Variants in PARN observed in about 807,000 individuals in gnomAD.
The protein encoded by PARN is poly(A)-specific ribonuclease PARN.
Under a neutral mutation model 102.8 loss-of-function variants are expected in PARN, and 71 were observed. The observed-to-expected ratio is 0.69, with a 90% CI of 0.57 to 0.84. The LOEUF is 0.84. Ranked by LOEUF, PARN falls within the 40% of genes least tolerant of loss-of-function variation. PARN has a pLI of 0.00. For synonymous variants in PARN, 261 were observed against 252.9 expected, an observed-to-expected ratio of 1.03 and a Z score of -0.30; for missense variants, 782 against 760.9, an observed-to-expected ratio of 1.03 and a Z score of -0.33.
intron 6 of PARN, among the ~76,000 whole-genome samples, chr16:14,613,321 A>C (rs568240889): frequency 1.8e-4 from 27 of 150,996 alleles, no homozygotes; most frequent in South Asian, 4.2e-4. Context: ...AAAAAAAAAA[A>C]AAAACAAAAC....
Position 14,446,990 on chromosome 16 carries a change from C to A in PARN, c.1762G>T (p.Asp588Tyr), listed in dbSNP as rs750247455. The A allele has an allele frequency of 6.2e-7, 1 of 1,613,514 alleles. No individual in the cohort carries two copies. Among genetic ancestry groups the A allele is most frequent in the Non-Finnish European group, 8.5e-7 (1 of 1,179,580 alleles). Residue 588 changes from aspartate (D) to tyrosine (Y), a missense_variant, in exon 23 of 24, where the codon GAC (aspartate) becomes TAC (tyrosine). Coordinates refer to ENST00000437198, the MANE Select transcript of PARN (RefSeq NM_002582.4). ...GAATCGGTCTGCTCAAGCTCAGTGT[C>A]GGAAATCTCCCCTGACACTCCGTCC... ...LEDGVSGEIS[D>Y]TELEQTDSCA...
chr16:14,608,224 T>A, intron 9 of PARN, 57 bp downstream of exon 9: 1 of 1,209,152 alleles, frequency 8.3e-7, no homozygotes, highest in Non-Finnish European at 1.2e-6. Flanking sequence ...GAGATTATAT[T>A]TAGTCTTTAA....
chr16:14,608,210 C>T (rs1277164387), intron 9 of PARN, 71 bp downstream of exon 9: 1 of 1,102,744 alleles, frequency 9.1e-7, no homozygotes, highest in Non-Finnish European at 1.3e-6. Flanking sequence ...GAAATGAGAA[C>T]TAAGAGATTA....
chr16:14,520,785 A>G (rs531211031), intron 21 of PARN, among the ~76,000 whole-genome samples: 1 of 152,232 alleles, frequency 6.6e-6, no homozygotes, highest in Non-Finnish European at 1.5e-5. Context: ...TTCAAAATAA[A>G]AAGTGAGAGA....
intron 13 of PARN, among the ~76,000 whole-genome samples, chr16:14,592,972 C>A (rs1355333278): frequency 6.6e-6 from 1 of 152,052 alleles, no homozygotes; most frequent in African/African-American, 2.4e-5. Flanking sequence ...CCCATCTCTA[C>A]TAAAAATACA....
chr16:14,491,334 T>C (rs1178705092), intron 21 of PARN, among the ~76,000 whole-genome samples: 2 of 151,826 alleles, frequency 1.3e-5, no homozygotes, highest in East Asian at 3.9e-4. Flanking sequence ...CAATTCTGTT[T>C]TCCCACATTT....
intron 21 of PARN, among the ~76,000 whole-genome samples, chr16:14,546,938 C>T (rs180982195): frequency 2.0e-5 from 3 of 151,854 alleles, no homozygotes. Context: ...ACTAAAAATA[C>T]AAAAATTAGC....
chr16:14,477,769 C>T (rs1963149819), intron 22 of PARN, among the ~76,000 whole-genome samples: 3 of 150,784 alleles, frequency 2.0e-5, no homozygotes, highest in Non-Finnish European at 4.4e-5. Context: ...CACAGCGAGA[C>T]TCCGTCGGAA....
intron 21 of PARN, among the ~76,000 whole-genome samples, chr16:14,493,247 G>A (rs1964147685): frequency 1.3e-5 from 2 of 151,960 alleles, no homozygotes; most frequent in African/African-American, 4.8e-5. Context: ...AGGGTCTCTC[G>A]CTCTGTTCCC....
intron 11 of PARN, among the ~76,000 whole-genome samples, chr16:14,602,794 G>C (rs1156402097): frequency 6.6e-6 from 1 of 152,142 alleles, no homozygotes; most frequent in Non-Finnish European, 1.5e-5. Flanking sequence ...TGGGTTCTGA[G>C]GAGGTGTGGG....
At chr16:14,543,601 A>G (rs1596624657) in intron 21 of PARN, among the ~76,000 whole-genome samples, 1 of 152,236 alleles carries the variant, frequency 6.6e-6, no homozygotes, top group East Asian at 1.9e-4. Context: ...GTGAAATGGT[A>G]TAATATGAAC....
intron 7 of PARN, among the ~76,000 whole-genome samples, chr16:14,610,414 A>T (rs940902917): frequency 1.3e-5 from 2 of 151,608 alleles, no homozygotes; most frequent in African/African-American, 4.8e-5. Flanking sequence ...CAGAGGTTGC[A>T]GTAAGCCAGG....
chr16:14,581,190 T>C (rs1274382497), intron 17 of PARN, among the ~76,000 whole-genome samples: 1 of 152,150 alleles, frequency 6.6e-6, no homozygotes. Context: ...GGACCAGGGA[T>C]TACAGACATG....
chr16:14,532,960 G>A (rs1473456949), intron 21 of PARN, among the ~76,000 whole-genome samples: 1 of 152,102 alleles, frequency 6.6e-6, no homozygotes, highest in Non-Finnish European at 1.5e-5. Flanking sequence ...CGTCCCAGAC[G>A]ATGGGCGGCC....
chr16:14,533,967 A>T (rs1393274450), intron 21 of PARN, among the ~76,000 whole-genome samples: 2 of 152,228 alleles, frequency 1.3e-5, no homozygotes, highest in Admixed American at 6.5e-5. Flanking sequence ...CACGCCTGTA[A>T]TCCCAGCACT....
intron 12 of PARN, among the ~76,000 whole-genome samples, chr16:14,594,621 C>A (rs1824054779): frequency 6.6e-6 from 1 of 152,064 alleles, no homozygotes; most frequent in Admixed American, 6.6e-5. Context: ...GAGGCTGAGG[C>A]AAAAGAATGG....
intron 21 of PARN, among the ~76,000 whole-genome samples, chr16:14,498,732 C>A (rs1408248083): frequency 6.6e-6 from 1 of 152,204 alleles, no homozygotes; most frequent in Non-Finnish European, 1.5e-5. Flanking sequence ...TCTCTCCAGA[C>A]TATGGGTTGC....
Position 14,436,477 on chromosome 16 carries a change from C to T in PARN, c.*240G>A. 1.8e-6 allele frequency: 1 copy of T among 569,822 alleles called. No homozygotes were observed. The highest frequency in any genetic ancestry group is 3.1e-6 in the Non-Finnish European group (1 of 320,836). 35.3% of individuals were successfully genotyped at this position (569,822 alleles called of 1,614,324 possible). ...ACGGAATTCACTGGTTAAGCACGTA[C>T]ACATTCATGACAGCCTACAACCGTG... is the stretch of plus-strand genomic sequence containing the variant. On this transcript the variant is annotated 3_prime_UTR_variant, in exon 24 of 24. Coordinates refer to ENST00000437198, the MANE Select transcript of PARN (RefSeq NM_002582.4).
chr16:14,610,749 C>G lies in PARN; in HGVS notation c.449G>C (p.Arg150Pro), dbSNP rs755153974. The G allele has an allele frequency of 6.2e-7, 1 of 1,609,484 alleles. No homozygotes were observed. The highest frequency in any genetic ancestry group is 1.1e-5 in the South Asian group (1 of 90,968). ...AGCTCCTGCACCATTCGCCTGTGAA[C>G]GTTTTTCATCATACTGCTCTCTTAA... is the stretch of plus-strand genomic sequence containing the variant. ...RQLREQYDEK[R>P]SQANGAGALS... is the part of the protein sequence containing the mutation. Residue 150 changes from arginine to proline, a missense_variant, in exon 7 of 24, where the codon CGT (arginine) becomes CCT (proline). Coordinates refer to ENST00000437198, the MANE Select transcript of PARN (RefSeq NM_002582.4).
Sources: gnomAD v4.1 joint callset for allele counts (sites outside exome capture counted in the v4.1 genomes callset) on GRCh38, gnomAD v4.1.1 for gene constraint, MANE v1.5 for transcripts, NCBI Gene and HGNC (gene_info 2026-07-23, HGNC 2026-07-21) for gene names.